Variants in PKNOX2 observed in about 807,000 individuals in gnomAD.
PKNOX2 encodes homeobox protein PKNOX2.
A neutral mutation model predicts 53.1 loss-of-function variants in PKNOX2; 14 were observed. The observed-to-expected ratio is 0.26, with a 90% CI of 0.17 to 0.41. The LOEUF is 0.41. Ranked by LOEUF, PKNOX2 falls within the 10% of genes least tolerant of loss-of-function variation. The pLI is 1.00. For missense variants in PKNOX2, 496 were observed against 602.8 expected, an observed-to-expected ratio of 0.82 and a Z score of 1.85; for synonymous variants, 257 against 242.8, an observed-to-expected ratio of 1.06 and a Z score of -0.54.
intron 2 of PKNOX2, among the ~76,000 whole-genome samples, chr11:125,253,872 C>G (rs1944197354): frequency 6.6e-6 from 1 of 152,090 alleles, no homozygotes; most frequent in East Asian, 1.9e-4. Context: ...TCAGCTCTTC[C>G]CAGGGACCCA....
chr11:125,392,412 T>C (rs1177400739), intron 6 of PKNOX2, among the ~76,000 whole-genome samples: 1 of 152,208 alleles, frequency 6.6e-6, no homozygotes, highest in Admixed American at 6.5e-5. Flanking sequence ...TTGCCTACCT[T>C]TCTAATATTG....
chr11:125,300,147 T>C (rs1395203905), intron 2 of PKNOX2, among the ~76,000 whole-genome samples: 1 of 152,194 alleles, frequency 6.6e-6, no homozygotes, highest in African/African-American at 2.4e-5. Flanking sequence ...AGGGCTCCCA[T>C]CCTGATTTTG....
chr11:125,422,737 A>G lies in PKNOX2; in HGVS notation c.937-6275A>G, dbSNP rs1956231836. ...TCCACCTGAAAAATGGCTGCAGGAGATTTACAACCTCACAGCATTCCCCAA... is the reference window on the plus strand; with the variant it reads ...TCCACCTGAAAAATGGCTGCAGGAGGTTTACAACCTCACAGCATTCCCCAA... On this transcript the variant is annotated intron_variant, in intron 10 of 12. Coordinates refer to ENST00000298282, the MANE Select transcript of PKNOX2 (RefSeq NM_001382323.2). The surrounding 1 kb of genome is among the most constrained non-coding windows in gnomAD (Gnocchi z 4.1). Among the ~76,000 whole-genome samples, 1 of 152,160 alleles carries G rather than the reference A, an allele frequency of 6.6e-6. No homozygotes were observed. The highest frequency in any genetic ancestry group is 2.4e-5 in the African/African-American group (1 of 41,432).
chr11:125,419,045 G>A (rs1000375862), intron 10 of PKNOX2, among the ~76,000 whole-genome samples: 3 of 151,862 alleles, frequency 2.0e-5, no homozygotes, highest in African/African-American at 7.3e-5. Flanking sequence ...TCTGTCAAAG[G>A]CCCACCTACA....
intron 4 of PKNOX2, among the ~76,000 whole-genome samples, chr11:125,354,823 T>A (rs1195623127): frequency 6.6e-6 from 1 of 152,244 alleles, no homozygotes; most frequent in Non-Finnish European, 1.5e-5. Flanking sequence ...GGCCTCGTGC[T>A]ATTTGGGCAC....
chr11:125,243,304 C>T (rs1565477805), intron 2 of PKNOX2, among the ~76,000 whole-genome samples: 1 of 152,138 alleles, frequency 6.6e-6, no homozygotes, highest in South Asian at 2.1e-4. Context: ...GAGGCTCAGC[C>T]CAGAGGCCCT....
chr11:125,323,558 A>G (rs1394645732), intron 2 of PKNOX2, among the ~76,000 whole-genome samples: 4 of 152,180 alleles, frequency 2.6e-5, no homozygotes, highest in Non-Finnish European at 5.9e-5. Flanking sequence ...TGTGGTCATC[A>G]CAGGAGGAAA....
At chr11:125,200,228 GAAGA>G (rs1293844254) in intron 1 of PKNOX2, among the ~76,000 whole-genome samples, 6 of 152,208 alleles carry the variant, frequency 3.9e-5, no homozygotes, top group Non-Finnish European at 7.3e-5. Context: ...TTAGTCCCAT[GAAGA>G]AATAAGGCAA....
chr11:125,392,721 A>G (rs1954124262), intron 6 of PKNOX2, among the ~76,000 whole-genome samples: 1 of 152,046 alleles, frequency 6.6e-6, no homozygotes, highest in Admixed American at 6.5e-5. Flanking sequence ...ATGAATAGGT[A>G]AGTGCACTTT....
intron 3 of PKNOX2, among the ~76,000 whole-genome samples, chr11:125,342,984 G>A (rs892211856): frequency 6.6e-6 from 1 of 152,180 alleles, no homozygotes; most frequent in Admixed American, 6.5e-5. Context: ...GAGATGGAGG[G>A]GCTGGAGAGG....
chr11:125,389,330 C>T (rs372865474), intron 6 of PKNOX2, among the ~76,000 whole-genome samples: 36 of 152,314 alleles, frequency 2.4e-4, no homozygotes, highest in Admixed American at 1.7e-3. Context: ...CCTGATCCTC[C>T]GCTCTGCCCA....
intron 10 of PKNOX2, among the ~76,000 whole-genome samples, chr11:125,421,703 G>A (rs919909803): frequency 2.0e-5 from 3 of 152,226 alleles, no homozygotes; most frequent in Non-Finnish European, 4.4e-5. Context: ...TGCACTGAAC[G>A]ATGGTGGCCT....
At chr11:125,424,986 G>A (rs1956339005) in intron 10 of PKNOX2, among the ~76,000 whole-genome samples, 1 of 152,304 alleles carries the variant, frequency 6.6e-6, no homozygotes, top group South Asian at 2.1e-4. Context: ...GAACTTCCTG[G>A]TGGCAACTAC....
intron 5 of PKNOX2, among the ~76,000 whole-genome samples, chr11:125,371,052 G>A (rs923552240): frequency 6.6e-6 from 1 of 152,208 alleles, no homozygotes; most frequent in Non-Finnish European, 1.5e-5. Context: ...TTGTGTATGA[G>A]GATGTGTTAA....
intron 3 of PKNOX2, among the ~76,000 whole-genome samples, chr11:125,333,233 C>T (rs754466514): frequency 3.9e-5 from 6 of 152,014 alleles, no homozygotes; most frequent in Non-Finnish European, 7.4e-5. Flanking sequence ...GTGCTGATGC[C>T]CAAGTTCAGT....
intron 2 of PKNOX2, among the ~76,000 whole-genome samples, chr11:125,312,069 T>C: frequency 6.6e-6 from 1 of 152,176 alleles, no homozygotes; most frequent in East Asian, 1.9e-4. Flanking sequence ...GCAAGTCCTT[T>C]AGGTTCTCTG....
At chr11:125,205,406 G>T (rs1358782730) in intron 1 of PKNOX2, among the ~76,000 whole-genome samples, 2 of 152,222 alleles carry the variant, frequency 1.3e-5, no homozygotes, top group Non-Finnish European at 2.9e-5. Flanking sequence ...TCAGTGTCTA[G>T]CAGGCCAGGC....
intron 2 of PKNOX2, among the ~76,000 whole-genome samples, chr11:125,262,697 G>T: frequency 6.6e-6 from 1 of 152,084 alleles, no homozygotes; most frequent in East Asian, 1.9e-4. Context: ...TGTGCTGGGA[G>T]GGGCTCGGAA....
At chr11:125,181,566 G>C (rs1956159879) in intron 1 of PKNOX2, among the ~76,000 whole-genome samples, 1 of 152,208 alleles carries the variant, frequency 6.6e-6, no homozygotes, top group Admixed American at 6.5e-5. Flanking sequence ...CAACAGACCT[G>C]AACAACGTCG....
Sources: allele counts gnomAD v4.1 joint callset (sites outside exome capture counted in the v4.1 genomes callset), GRCh38; gene constraint gnomAD v4.1.1; non-coding constraint Gnocchi (gnomAD v3.1); transcripts MANE v1.5; gene names NCBI Gene and HGNC (gene_info 2026-07-23, HGNC 2026-07-21).